Variants in SDK1 observed in about 807,000 individuals in gnomAD.
SDK1 encodes the protein protein sidekick-1.
In SDK1, 157 loss-of-function variants were observed where a neutral mutation model predicts 245.5. The observed-to-expected ratio is 0.64, with a 90% CI of 0.56 to 0.73. The LOEUF (loss-of-function observed/expected upper bound fraction) is 0.73, where lower values mean the gene tolerates loss of function less well. Among genes scored for constraint, SDK1 ranks in the 30% least tolerant of loss-of-function variants. SDK1 has a pLI of 0.00. For synonymous variants in SDK1, 1,647 were observed against 1,278.5 expected (o/e 1.29, Z -6.15); for missense variants, 3,583 against 3,002.3 (o/e 1.19, Z -4.52).
At chr7:4,209,906 T>A in intron 37 of SDK1, 119 bp from the exon 38 acceptor site, 2 of 987,302 alleles carry the variant, frequency 2.0e-6, no homozygotes, top group Non-Finnish European at 2.8e-6. Context: ...ATTCAGACTT[T>A]TACTGAGTTG....
intron 25 of SDK1, among the ~76,000 whole-genome samples, chr7:4,119,035 T>C (rs1037295528): frequency 2.0e-5 from 3 of 148,536 alleles, no homozygotes; most frequent in African/African-American, 7.4e-5. Flanking sequence ...CTGAATTCAC[T>C]AAAAAATGTT....
At chr7:3,848,674 C>CT (rs377029192) in intron 5 of SDK1, among the ~76,000 whole-genome samples, 3,873 of 146,258 alleles carry the variant, frequency 0.026, 60 homozygotes, top group Middle Eastern at 0.096. Flanking sequence ...GTTGTCTTTT[C>CT]TTTTTTTTTT....
At chr7:4,094,935 A>G (rs1782051634) in intron 22 of SDK1, among the ~76,000 whole-genome samples, 1 of 152,248 alleles carries the variant, frequency 6.6e-6, no homozygotes, top group Non-Finnish European at 1.5e-5. Context: ...GGTTATAGGT[A>G]AATTCAAAGA....
intron 5 of SDK1, among the ~76,000 whole-genome samples, chr7:3,855,677 G>A (rs1780528557): frequency 6.6e-6 from 1 of 152,180 alleles, no homozygotes; most frequent in Non-Finnish European, 1.5e-5. Flanking sequence ...GAAGCCCTAG[G>A]CAATTTTCCA....
intron 4 of SDK1, among the ~76,000 whole-genome samples, chr7:3,801,803 G>A (rs1779113672): frequency 6.6e-6 from 1 of 152,106 alleles, no homozygotes; most frequent in African/African-American, 2.4e-5. Flanking sequence ...GCTCTCTTCT[G>A]GGTTTTCTCA....
chr7:3,398,272 T>C (rs943265093), intron 1 of SDK1, among the ~76,000 whole-genome samples: 3 of 152,140 alleles, frequency 2.0e-5, no homozygotes, highest in African/African-American at 7.2e-5. Flanking sequence ...ATTTTAGTTG[T>C]AATCCACTGT....
At chr7:4,037,368 C>T (rs1216813750) in intron 17 of SDK1, among the ~76,000 whole-genome samples, 1 of 140,960 alleles carries the variant, frequency 7.1e-6, no homozygotes. Context: ...CCTGTAATCC[C>T]AATACTTTGG....
chr7:3,781,644 A>G lies in SDK1; in HGVS notation c.714-39806A>G, dbSNP rs930950213. Reference sequence around the variant, plus strand: ...TACTCATAAAGAAGTTCAGTGAACTACAAGAATCTATGGATAGAAAATTGA... The same window carrying G: ...TACTCATAAAGAAGTTCAGTGAACTGCAAGAATCTATGGATAGAAAATTGA... On this transcript the variant is annotated intron_variant, in intron 4 of 44. Transcript: ENST00000404826. Among the ~76,000 whole-genome samples the G allele has an allele frequency of 1.1e-4, 17 of 152,220 alleles. 1 individual carries two copies. The highest frequency in any genetic ancestry group is 5.9e-5 in the Non-Finnish European group (4 of 68,034).
intron 39 of SDK1, among the ~76,000 whole-genome samples, chr7:4,220,773 G>T (rs1290404816): frequency 2.0e-5 from 3 of 151,824 alleles, no homozygotes; most frequent in Non-Finnish European, 1.5e-5. Flanking sequence ...AGGTTTTTTT[G>T]TTGTTGTTTG....
At chr7:3,732,898 G>A (rs112928609) in intron 4 of SDK1, among the ~76,000 whole-genome samples, 6 of 152,184 alleles carry the variant, frequency 3.9e-5, no homozygotes, top group Admixed American at 3.3e-4. Context: ...CTGACTTGCT[G>A]TGGAGAATGA....
At position 3,950,969 on chromosome 7, in the gene SDK1, C is replaced by T. The variant is rs10265265; in HGVS notation, c.894C>T (p.Pro298=). 2.2e-3 allele frequency: 3,628 copies of T among 1,614,046 alleles called. 76 individuals carry two copies. The African/African-American group carries it at 0.043, about 19-fold the overall frequency. The change falls in exon 6 of 45, where the codon CCC becomes CCT. Residue 298 remains proline (P), a synonymous_variant. Transcript: ENST00000404826. ...PETMAPTIVV[P]PGNRSVVAGS... is the part of the protein sequence containing the mutation. ...CCATGGCCCCAACCATTGTGGTTCCCCCGGGCAACAGAAGTGTGGTGGCTG... is the reference window on the plus strand; with the variant it reads ...CCATGGCCCCAACCATTGTGGTTCCTCCGGGCAACAGAAGTGTGGTGGCTG...
intron 4 of SDK1, among the ~76,000 whole-genome samples, chr7:3,749,637 A>G (rs994838151): frequency 1.2e-4 from 19 of 152,272 alleles, no homozygotes; most frequent in African/African-American, 2.2e-4. Context: ...AAAGTAATCA[A>G]AGTTCTGATA....
intron 4 of SDK1, among the ~76,000 whole-genome samples, chr7:3,742,012 A>ATATATATATATG (rs1554256842): frequency 1.6e-4 from 23 of 145,290 alleles, no homozygotes; most frequent in Admixed American, 6.2e-4. Flanking sequence ...ATATATATAT[A>ATATATATATATG]TGCTGTATTT....
chr7:4,123,286 C>G (rs1784184268), intron 25 of SDK1, among the ~76,000 whole-genome samples: 1 of 152,072 alleles, frequency 6.6e-6, no homozygotes, highest in Non-Finnish European at 1.5e-5. Context: ...GTTTGGTGTT[C>G]TTACCTTATT....
chr7:3,967,254 T>C (rs1207349214), intron 9 of SDK1, 64 bp from the exon 10 acceptor site: 2 of 1,279,136 alleles, frequency 1.6e-6, no homozygotes, highest in Non-Finnish European at 2.3e-6. Flanking sequence ...CAGGATACTC[T>C]GCCAGGCTGA....
chr7:4,173,547 G>A (rs977711701), intron 32 of SDK1, among the ~76,000 whole-genome samples: 2 of 152,222 alleles, frequency 1.3e-5, no homozygotes, highest in African/African-American at 2.4e-5. Flanking sequence ...TATTCCATGG[G>A]AGTCTAATGT....
At chr7:3,679,558 C>T (rs1323756984) in intron 4 of SDK1, among the ~76,000 whole-genome samples, 2 of 150,928 alleles carry the variant, frequency 1.3e-5, no homozygotes, top group Non-Finnish European at 2.9e-5. Context: ...CAGAGCGAGA[C>T]TCCATCTCAA....
chr7:3,924,019 T>C (rs530741565), intron 5 of SDK1, among the ~76,000 whole-genome samples: 1 of 152,282 alleles, frequency 6.6e-6, no homozygotes, highest in East Asian at 1.9e-4. Context: ...CTATTTTTTC[T>C]TTGGATATTT....
chr7:3,469,153 A>G (rs60192356), intron 1 of SDK1, among the ~76,000 whole-genome samples: 24,318 of 152,148 alleles, frequency 0.16, 2,075 homozygotes, highest in South Asian at 0.22. Flanking sequence ...AAATTCCCCA[A>G]AGGACACACC....
Sources: allele counts gnomAD v4.1 joint callset (sites outside exome capture counted in the v4.1 genomes callset), GRCh38; gene constraint gnomAD v4.1.1; transcripts MANE v1.5; gene names NCBI Gene and HGNC (gene_info 2026-07-23, HGNC 2026-07-21).